The following ATP10B variants were observed in gnomAD, a reference collection of about 807,000 sequenced individuals.
ATP10B encodes the protein ATPase phospholipid transporting 10B (putative), also known as phospholipid-transporting ATPase VB.
A neutral mutation model predicts 141.2 loss-of-function variants in ATP10B; 122 were observed. That is an observed-to-expected ratio of 0.86 (90% CI 0.75 to 1.00). The LOEUF is 1.00. ATP10B is among the 50% of genes least tolerant of loss of function. The pLI is 0.00. For synonymous variants in ATP10B, 685 were observed against 692.0 expected (o/e 0.99, Z 0.16); for missense variants, 1,876 against 1,825.3 (o/e 1.03, Z -0.51).
the ATP10B span, among the ~76,000 whole-genome samples, chr5:160,894,057 C>A: frequency 6.6e-6 from 1 of 152,096 alleles, no homozygotes; most frequent in Non-Finnish European, 1.5e-5. Flanking sequence ...ACATCAAAGA[C>A]AAAAGGTAGA....
intron 1 of ATP10B, among the ~76,000 whole-genome samples, chr5:160,801,203 C>A (rs1772350061): frequency 6.6e-6 from 1 of 152,154 alleles, no homozygotes; most frequent in Non-Finnish European, 1.5e-5. Context: ...AAGACACAAA[C>A]CCTACTGGGG....
chr5:160,785,688 G>T lies in ATP10B; in HGVS notation c.-460C>A, dbSNP rs1301712582. Reference sequence around the variant, plus strand: ...TTTCTCATCTTGGCAGTGGAGAGGAGTTCATTATCTCCACTGAGTGAGATG... The same window carrying T: ...TTTCTCATCTTGGCAGTGGAGAGGATTTCATTATCTCCACTGAGTGAGATG... On this transcript the variant is annotated 5_prime_UTR_variant, in exon 2 of 26. Coordinates refer to ENST00000327245, the MANE Select transcript of ATP10B (RefSeq NM_025153.3). 2 of 1,287,664 alleles carry T rather than the reference G, an allele frequency of 1.6e-6. No individual in the cohort carries two copies. The highest frequency in any genetic ancestry group is 1.0e-6 in the Non-Finnish European group (1 of 987,892). The allele number at this position is 1,287,664 out of a possible 1,614,324, so 79.8% of individuals were successfully genotyped here.
chr5:160,629,116 G>A (rs903411854), intron 13 of ATP10B, among the ~76,000 whole-genome samples: 6 of 152,050 alleles, frequency 3.9e-5, no homozygotes, highest in African/African-American at 1.2e-4. Context: ...AAGAACTGGT[G>A]ATTCCAAGAG....
intron 22 of ATP10B, among the ~76,000 whole-genome samples, chr5:160,595,229 T>C (rs1756592535): frequency 6.6e-6 from 1 of 152,164 alleles, no homozygotes; most frequent in South Asian, 2.1e-4. Context: ...AACTCAGGAT[T>C]AAGAATCTCA....
chr5:160,901,750 A>G, the ATP10B span, among the ~76,000 whole-genome samples: 1 of 152,172 alleles, frequency 6.6e-6, no homozygotes, highest in Non-Finnish European at 1.5e-5. Flanking sequence ...TGGTTCATAA[A>G]TGAATAGGTC....
chr5:160,742,096 C>T lies in ATP10B; in HGVS notation c.-330-25062G>A, dbSNP rs1767519263. Among the ~76,000 whole-genome samples the T allele has an allele frequency of 2.6e-5, 4 of 152,310 alleles. No homozygotes were observed. In the South Asian group the frequency reaches 8.3e-4, roughly 32 times the overall value. The stretch of plus-strand genomic sequence containing the variant: ...TAATTTTGAGCAACTGACAACCTCT[C>T]TGACTCTTAGTCTATTGGGTTAAAT... On this transcript the variant is annotated intron_variant, in intron 2 of 25. Coordinates refer to ENST00000327245, the MANE Select transcript of ATP10B (RefSeq NM_025153.3).
chr5:160,901,000 A>G, the ATP10B span, among the ~76,000 whole-genome samples: 5 of 143,350 alleles, frequency 3.5e-5, no homozygotes, highest in African/African-American at 7.6e-5. Flanking sequence ...GAGCAACACA[A>G]TGTGATTGCT....
At chr5:160,793,158 C>T (rs1771703947) in intron 1 of ATP10B, among the ~76,000 whole-genome samples, 1 of 151,718 alleles carries the variant, frequency 6.6e-6, no homozygotes, top group South Asian at 2.1e-4. Context: ...TGTCTTTTTG[C>T]TGCCTAAGTA....
At position 160,634,473 on chromosome 5, in the gene ATP10B, G is replaced by A; in HGVS notation, c.1262C>T (p.Ala421Val). The A allele has an allele frequency of 6.2e-7, 1 of 1,614,128 alleles. No individual in the cohort carries two copies. The highest frequency in any genetic ancestry group is 8.5e-7 in the Non-Finnish European group (1 of 1,180,014). Residue 421 changes from alanine to valine, a missense_variant, in exon 12 of 26, where the codon GCA becomes GTA. Transcript: ENST00000327245. Reference protein sequence around the residue: ...LSIQCRALNIAEDLGQIQYIF... With the variant: ...LSIQCRALNIVEDLGQIQYIF... ...GTACTGGATCTGGCCCAAGTCCTCT[G>A]CGATGTTGAGGGCTCGACATTGAAT...
chr5:160,804,890 C>A (rs971955461), intron 1 of ATP10B, among the ~76,000 whole-genome samples: 8 of 152,154 alleles, frequency 5.3e-5, no homozygotes, highest in African/African-American at 1.7e-4. Context: ...GTTTCAGTAA[C>A]CCCCCACCAC....
upstream of ATP10B, among the ~76,000 whole-genome samples, chr5:160,855,598 C>T (rs1039700156): frequency 2.0e-5 from 3 of 151,692 alleles, no homozygotes; most frequent in East Asian, 3.9e-4. Context: ...GGGTATTACA[C>T]AGATCAAAAG....
intron 1 of ATP10B, among the ~76,000 whole-genome samples, chr5:160,795,513 G>A (rs1203382302): frequency 6.6e-6 from 1 of 152,052 alleles, no homozygotes; most frequent in Non-Finnish European, 1.5e-5. Context: ...AATGAATAGG[G>A]GTGAGAATAG....
rs992942786 is a variant in ATP10B at position 160,787,657 on chromosome 5, C to T, written c.-575-1854G>A. Among the ~76,000 whole-genome samples, 8 of 152,062 alleles carry T rather than the reference C, an allele frequency of 5.3e-5. No homozygotes were observed. In the South Asian group the frequency reaches 6.2e-4, roughly 12 times the overall value. ...AATGCTCTTGTGAAAGTAAAGCTTC[C>T]GTGTCCTGCGTGGGGGGCAGGAATT... On this transcript the variant is annotated intron_variant, in intron 1 of 25. Coordinates refer to ENST00000327245, the MANE Select transcript of ATP10B (RefSeq NM_025153.3).
At chr5:160,828,554 A>G (rs1037083366) in intron 1 of ATP10B, among the ~76,000 whole-genome samples, 2 of 151,732 alleles carry the variant, frequency 1.3e-5, no homozygotes, top group Non-Finnish European at 1.5e-5. Flanking sequence ...AAGTCAGGAA[A>G]CAACAGGTGC....
rs1754502574 is a variant in ATP10B at position 160,565,812 on chromosome 5, T to C, written c.4027A>G (p.Asn1343Asp). The change falls in exon 26 of 26, where the codon AAC (asparagine) becomes GAC (aspartate). Residue 1343 changes from asparagine (N) to aspartate (D), a missense_variant. Transcript: ENST00000327245. ...KIDKLPPDKRNLEIQSWRSRQ... is the reference protein window; with the variant it reads ...KIDKLPPDKRDLEIQSWRSRQ... ...CTTCTCCAACTCTGGATTTCCAGGT[T>C]TCTTTTGTCTGGGGGGAGTTTGTCA... The C allele has an allele frequency of 6.2e-7, 1 of 1,613,952 alleles. No individual in the cohort carries two copies. Among genetic ancestry groups the C allele is most frequent in the Admixed American group, 1.7e-5 (1 of 59,988 alleles).
At position 160,632,210 on chromosome 5, in the gene ATP10B, C is replaced by A. The variant is rs757693473; in HGVS notation, c.1539G>T (p.Val513=). Reference sequence around the variant, plus strand: ...TTTGCCGGTAGTGGCCCTGGATGGGCACCCGGGCACTCTGGCTCCTCCTCA... The same window carrying A: ...TTTGCCGGTAGTGGCCCTGGATGGGAACCCGGGCACTCTGGCTCCTCCTCA... ...QPLRRSQSAR[V]PIQGHYRQRS... is the part of the protein sequence containing the mutation. The change falls in exon 13 of 26, where the codon GTG becomes GTT. Residue 513 remains valine, a synonymous_variant. Transcript: ENST00000327245. The A allele has an allele frequency of 6.2e-7, 1 of 1,614,060 alleles. No individual in the cohort carries two copies. Among genetic ancestry groups the A allele is most frequent in the Admixed American group, 1.7e-5 (1 of 60,004 alleles).
At chr5:160,685,029 C>G (rs548355929) in intron 6 of ATP10B, 1 of 703,520 alleles carries the variant, frequency 1.4e-6, no homozygotes, top group East Asian at 2.7e-5. Context: ...GATTGGCAAA[C>G]CGGTGTAGCT....
chr5:160,805,683 TG>T (rs1405662542), intron 1 of ATP10B, among the ~76,000 whole-genome samples: 1 of 152,170 alleles, frequency 6.6e-6, no homozygotes, highest in Non-Finnish European at 1.5e-5. Flanking sequence ...TTACACGGTG[TG>T]GGCAGTGGCC....
At chr5:160,569,724 G>T (rs766348959) in intron 24 of ATP10B, 41 bp from the exon 25 acceptor site, 9 of 1,436,906 alleles carry the variant, frequency 6.3e-6, no homozygotes, top group Non-Finnish European at 8.3e-6. Context: ...AGGTATAGCT[G>T]AGATTAGGAG....
Sources: allele counts gnomAD v4.1 joint callset (sites outside exome capture counted in the v4.1 genomes callset), GRCh38; gene constraint gnomAD v4.1.1; transcripts MANE v1.5; gene names NCBI Gene and HGNC (gene_info 2026-07-23, HGNC 2026-07-21).